The following VKORC1L1 variants were observed in gnomAD, a reference collection of about 807,000 sequenced individuals.
The protein encoded by VKORC1L1 is vitamin K epoxide reductase complex subunit 1L1.
A neutral mutation model predicts 18.9 loss-of-function variants in VKORC1L1; 2 were observed. The ratio of observed to expected loss-of-function variants is 0.11; its 90% CI spans 0.04 to 0.33. The LOEUF is 0.33. VKORC1L1 is among the 10% of genes least tolerant of loss of function. The probability of loss-of-function intolerance (pLI) is 1.00; values close to 1 mark genes in which losing one functional copy is unlikely to be tolerated. For missense variants in VKORC1L1, 123 were observed against 224.1 expected (o/e 0.55, Z 2.88); for synonymous variants, 96 against 100.0 (o/e 0.96, Z 0.24).
rs185991725 is a variant in VKORC1L1, at chr7:65,949,062, T to C, written c.304+282T>C. Among the ~76,000 whole-genome samples the C allele has an allele frequency of 1.2e-4, 18 of 152,352 alleles. No homozygotes were observed. The East Asian group carries it at 3.5e-3, about 29-fold the overall frequency. ...CTCCCATCTTCCCTGTTAACGTTTT[T>C]CCTTATTTTATAGACTCAGTGGCCT... On this transcript the variant is annotated intron_variant, in intron 2 of 2. Coordinates refer to ENST00000360768, the MANE Select transcript of VKORC1L1 (RefSeq NM_173517.6).
chr7:65,867,276 T>G, the VKORC1L1 span, among the ~76,000 whole-genome samples: 1 of 152,008 alleles, frequency 6.6e-6, no homozygotes, highest in Non-Finnish European at 1.5e-5. Context: ...AGTAGGAAGA[T>G]AACCCAACCT....
At chr7:65,934,870 T>C (rs1426438854) in intron 1 of VKORC1L1, among the ~76,000 whole-genome samples, 2 of 151,744 alleles carry the variant, frequency 1.3e-5, no homozygotes, top group East Asian at 3.9e-4. Context: ...CTTGCCAACA[T>C]AGTGAAACCC....
chr7:65,948,258 C>T (rs1425738813), intron 1 of VKORC1L1, among the ~76,000 whole-genome samples: 2 of 151,446 alleles, frequency 1.3e-5, no homozygotes, highest in Admixed American at 1.3e-4. Flanking sequence ...CACAGAACAC[C>T]CCACAGCACA....
At chr7:65,930,102 T>C (rs1381134897) in intron 1 of VKORC1L1, among the ~76,000 whole-genome samples, 5 of 152,168 alleles carry the variant, frequency 3.3e-5, no homozygotes, top group African/African-American at 1.2e-4. Context: ...AGAAACATAA[T>C]TTTGATTTTT....
intron 1 of VKORC1L1, among the ~76,000 whole-genome samples, chr7:65,880,597 T>C (rs1788911648): frequency 6.6e-6 from 1 of 152,116 alleles, no homozygotes; most frequent in Admixed American, 6.6e-5. Flanking sequence ...ACCTGCTGCA[T>C]ATAAAGACAG....
Position 65,950,383 on chromosome 7 carries a change from G to T in VKORC1L1, c.304+1603G>T, listed in dbSNP as rs531054825. On this transcript the variant is annotated intron_variant, in intron 2 of 2. Transcript: ENST00000360768. ...ATTTTTCTTCTTTTTTGTAGATCTTGTTGCATACCAATGCTTTTGTATTTT... is the reference window on the plus strand; with the variant it reads ...ATTTTTCTTCTTTTTTGTAGATCTTTTTGCATACCAATGCTTTTGTATTTT... Among the ~76,000 whole-genome samples, 324 of 152,088 alleles carry T rather than the reference G, an allele frequency of 2.1e-3. 1 individual carries two copies. Among genetic ancestry groups the T allele is most frequent in the African/African-American group, 7.1e-3 (294 of 41,494 alleles).
At chr7:65,915,920 A>C (rs537608926) in intron 1 of VKORC1L1, among the ~76,000 whole-genome samples, 1 of 151,958 alleles carries the variant, frequency 6.6e-6, no homozygotes, top group African/African-American at 2.4e-5. Flanking sequence ...AGACCAGCCT[A>C]GACAAAATGG....
In VKORC1L1 at chr7:65,944,760, T is replaced by C. The variant is rs555238572; in HGVS notation, c.195-3911T>C. ...GATGAAACCTCATCTCTACCAAAAA[T>C]ACAAAAATTAGCCAGGCACGGTGGT... On this transcript the variant is annotated intron_variant, in intron 1 of 2. Coordinates refer to ENST00000360768, the MANE Select transcript of VKORC1L1 (RefSeq NM_173517.6). Among the ~76,000 whole-genome samples, 44 of 151,806 alleles carry C rather than the reference T, an allele frequency of 2.9e-4. 1 individual carries two copies. In the East Asian group the frequency reaches 8.4e-3, roughly 29 times the overall value.
At chr7:65,896,151 G>A (rs1190716078) in intron 1 of VKORC1L1, among the ~76,000 whole-genome samples, 7 of 150,102 alleles carry the variant, frequency 4.7e-5, no homozygotes, top group Non-Finnish European at 8.9e-5. Flanking sequence ...TGATTCACTC[G>A]CCTCAGCCTC....
chr7:65,950,645 G>A (rs536716992), intron 2 of VKORC1L1, among the ~76,000 whole-genome samples: 1 of 152,228 alleles, frequency 6.6e-6, no homozygotes, highest in South Asian at 2.1e-4. Context: ...AAAAATGGAG[G>A]TAGGTTACAA....
intron 2 of VKORC1L1, among the ~76,000 whole-genome samples, chr7:65,951,631 TCCCA>T (rs927828290): frequency 6.6e-5 from 10 of 151,750 alleles, no homozygotes; most frequent in Admixed American, 6.6e-5. Context: ...GAAAAATCTA[TCCCA>T]CCCCTTCCCT....
intron 2 of VKORC1L1, 122 bp from the exon 3 acceptor site, chr7:65,953,949 TTCA>T: frequency 1.2e-6 from 1 of 801,554 alleles, no homozygotes; most frequent in East Asian, 2.6e-5. Context: ...GTTCTCAATT[TTCA>T]GAGTTGGCAG....
intron 1 of VKORC1L1, among the ~76,000 whole-genome samples, chr7:65,875,091 A>G (rs1788803734): frequency 6.6e-6 from 1 of 152,164 alleles, no homozygotes; most frequent in Non-Finnish European, 1.5e-5. Flanking sequence ...GATGCTTGCC[A>G]AAGGAGGGTA....
In VKORC1L1 at chr7:65,873,392, A is replaced by C; in HGVS notation, c.21A>C (p.Leu7=). The C allele has an allele frequency of 6.5e-7, 1 of 1,550,064 alleles. No homozygotes were observed. Among genetic ancestry groups the C allele is most frequent in the East Asian group, 2.5e-5 (1 of 39,420 alleles). The change falls in exon 1 of 3, where the codon CTA becomes CTC. Residue 7 remains leucine, a synonymous_variant. Coordinates refer to ENST00000360768, the MANE Select transcript of VKORC1L1 (RefSeq NM_173517.6). ...GGAAGATGGCGGCTCCCGTCCTGCT[A>C]AGAGTGTCGGTGCCGCGGTGGGAGC... The part of the protein sequence containing the change: MAAPVL[L]RVSVPRWERV...
At chr7:65,899,112 A>T (rs1421708064) in intron 1 of VKORC1L1, among the ~76,000 whole-genome samples, 1 of 152,238 alleles carries the variant, frequency 6.6e-6, no homozygotes, top group Non-Finnish European at 1.5e-5. Context: ...ATTCATTTCA[A>T]CCAATATTAA....
chr7:65,949,184 A>G (rs543021676), intron 2 of VKORC1L1, among the ~76,000 whole-genome samples: 19 of 152,308 alleles, frequency 1.2e-4, no homozygotes, highest in Non-Finnish European at 2.1e-4. Flanking sequence ...TTCTGCTTTT[A>G]AAAATAATTT....
At chr7:65,921,763 G>T (rs1196727537) in intron 1 of VKORC1L1, among the ~76,000 whole-genome samples, 1 of 151,930 alleles carries the variant, frequency 6.6e-6, no homozygotes, top group Non-Finnish European at 1.5e-5. Context: ...CAGGAGAATG[G>T]CATGAACCCG....
chr7:65,876,296 A>G (rs1031011718), intron 1 of VKORC1L1, among the ~76,000 whole-genome samples: 12 of 152,156 alleles, frequency 7.9e-5, no homozygotes, highest in African/African-American at 2.7e-4. Context: ...GGAAAAGTTT[A>G]CTTTCAGACC....
chr7:65,919,121 A>T (rs890575092), intron 1 of VKORC1L1, among the ~76,000 whole-genome samples: 5 of 152,128 alleles, frequency 3.3e-5, no homozygotes, highest in African/African-American at 1.2e-4. Context: ...ATAATAAACT[A>T]AAACAACAGC....
Sources: allele counts gnomAD v4.1 joint callset (sites outside exome capture counted in the v4.1 genomes callset), GRCh38; gene constraint gnomAD v4.1.1; transcripts MANE v1.5; gene names NCBI Gene and HGNC (gene_info 2026-07-23, HGNC 2026-07-21).